ASIC2: variants seen among roughly 807,000 people sequenced by gnomAD.
The protein encoded by ASIC2 is acid sensing ion channel subunit 2.
A neutral mutation model predicts 57.3 loss-of-function variants in ASIC2; 25 were observed. That is an observed-to-expected ratio of 0.44 (90% CI 0.32 to 0.61). ASIC2 has a LOEUF of 0.61. Ranked by LOEUF, ASIC2 falls within the 20% of genes least tolerant of loss-of-function variation. ASIC2 has a pLI of 0.06. For synonymous variants in ASIC2, 319 were observed against 307.5 expected, an observed-to-expected ratio of 1.04 and a Z score of -0.39; for missense variants, 641 against 738.1, an observed-to-expected ratio of 0.87 and a Z score of 1.52.
At chr17:33,181,575 G>A (rs900345469) in intron 1 of ASIC2, among the ~76,000 whole-genome samples, 1 of 152,118 alleles carries the variant, frequency 6.6e-6, no homozygotes, top group African/African-American at 2.4e-5. Context: ...TTGTGGCAGT[G>A]TGACTCTGAT....
intron 1 of ASIC2, among the ~76,000 whole-genome samples, chr17:33,654,093 A>G (rs1907005743): frequency 1.3e-5 from 2 of 152,188 alleles, no homozygotes; most frequent in Non-Finnish European, 1.5e-5. Flanking sequence ...CATCTACAAA[A>G]TGGATCTATC....
intron 1 of ASIC2, among the ~76,000 whole-genome samples, chr17:33,420,258 A>G (rs1192723869): frequency 1.3e-5 from 2 of 152,218 alleles, no homozygotes; most frequent in Non-Finnish European, 2.9e-5. Context: ...TGGGAAAGCT[A>G]TGGTTCATGC....
intron 1 of ASIC2, among the ~76,000 whole-genome samples, chr17:34,032,570 A>G (rs1164295175): frequency 1.3e-5 from 2 of 152,224 alleles, no homozygotes; most frequent in African/African-American, 4.8e-5. Flanking sequence ...AGACTGGCAA[A>G]TTGGATAAAG....
intron 1 of ASIC2, among the ~76,000 whole-genome samples, chr17:33,575,974 A>G (rs12450179): frequency 0.53 from 80,666 of 152,074 alleles, 22,755 homozygotes; most frequent in African/African-American, 0.74. Context: ...ATTTGGAAAC[A>G]GAGTCCATCA....
intron 1 of ASIC2, among the ~76,000 whole-genome samples, chr17:33,583,453 C>T (rs367673918): frequency 2.0e-5 from 3 of 151,754 alleles, no homozygotes; most frequent in Non-Finnish European, 4.4e-5. Flanking sequence ...GAAGTTGCTT[C>T]GCAGTGGGCA....
At chr17:33,559,328 C>T (rs1471118977) in intron 1 of ASIC2, among the ~76,000 whole-genome samples, 3 of 152,186 alleles carry the variant, frequency 2.0e-5, no homozygotes, top group South Asian at 4.1e-4. Context: ...ATGGCCTACC[C>T]CACAGATTCC....
chr17:33,235,604 C>A (rs1448416020), intron 1 of ASIC2, among the ~76,000 whole-genome samples: 1 of 152,212 alleles, frequency 6.6e-6, no homozygotes, highest in Non-Finnish European at 1.5e-5. Flanking sequence ...ACCAGCCGGG[C>A]TTCTCAGTGA....
chr17:33,995,992 A>G (rs922927030), intron 1 of ASIC2, among the ~76,000 whole-genome samples: 5 of 152,182 alleles, frequency 3.3e-5, no homozygotes, highest in Non-Finnish European at 2.9e-5. Context: ...CCTTTTCTCC[A>G]TATCTTTGAC....
rs1397853053 is a variant in ASIC2, at chr17:33,890,316, TC to T, written c.555+265661del. Among the ~76,000 whole-genome samples, 9 of 152,306 alleles carry T rather than the reference TC, an allele frequency of 5.9e-5. No individual in the cohort carries two copies. In the East Asian group the frequency reaches 1.5e-3, roughly 26 times the overall value. On this transcript the variant is annotated intron_variant, in intron 1 of 9. Coordinates refer to the ASIC2 transcript ENST00000359872. The stretch of plus-strand genomic sequence containing the variant: ...ACTGGCTCCCATGTTGACTGTATTT[TC>T]TCCAAGTGAGACTGGGGTAAACACC...
intron 3 of ASIC2, among the ~76,000 whole-genome samples, chr17:33,050,357 A>T (rs982979744): frequency 1.3e-5 from 2 of 152,130 alleles, no homozygotes; most frequent in Admixed American, 6.5e-5. Context: ...CATGGTCTGG[A>T]TTGGGATCAG....
intron 1 of ASIC2, among the ~76,000 whole-genome samples, chr17:33,288,619 G>C (rs1567811430): frequency 6.6e-6 from 1 of 151,896 alleles, no homozygotes; most frequent in African/African-American, 2.4e-5. Flanking sequence ...GTGTTGGCTG[G>C]GACAGAGCTT....
At chr17:33,215,887 G>C (rs1453527210) in intron 1 of ASIC2, among the ~76,000 whole-genome samples, 1 of 152,120 alleles carries the variant, frequency 6.6e-6, no homozygotes, top group African/African-American at 2.4e-5. Flanking sequence ...TTTTAGTAGA[G>C]ACGGGGTTTC....
At chr17:33,855,258 C>A (rs569164284) in intron 1 of ASIC2, among the ~76,000 whole-genome samples, 28 of 152,128 alleles carry the variant, frequency 1.8e-4, no homozygotes, top group Non-Finnish European at 3.7e-4. Flanking sequence ...AGACTGGAGA[C>A]CCTGCTCTGC....
chr17:34,009,099 A>G (rs1340373587), intron 1 of ASIC2, among the ~76,000 whole-genome samples: 3 of 151,382 alleles, frequency 2.0e-5, no homozygotes, highest in Admixed American at 2.0e-4. Context: ...CCAGCCCACC[A>G]TTTTGTAATC....
intron 1 of ASIC2, among the ~76,000 whole-genome samples, chr17:33,447,269 A>G (rs116501709): frequency 7.4e-6 from 1 of 135,302 alleles, no homozygotes; most frequent in Non-Finnish European, 1.7e-5. Flanking sequence ...GGCTAAATGC[A>G]TCTGAAGAAA....
chr17:34,014,894 AT>A (rs71942466), intron 1 of ASIC2, among the ~76,000 whole-genome samples: 50 of 146,804 alleles, frequency 3.4e-4, no homozygotes, highest in Middle Eastern at 3.5e-3. Context: ...ATATCGCTGC[AT>A]TTTTTTTTTT....
At chr17:33,340,713 C>T (rs1450390280) in intron 1 of ASIC2, among the ~76,000 whole-genome samples, 1 of 152,070 alleles carries the variant, frequency 6.6e-6, no homozygotes, top group Non-Finnish European at 1.5e-5. Context: ...GAGGGGGCTC[C>T]TGCATCATCA....
intron 1 of ASIC2, among the ~76,000 whole-genome samples, chr17:33,133,882 G>A (rs926316349): frequency 6.6e-6 from 1 of 152,208 alleles, no homozygotes; most frequent in African/African-American, 2.4e-5. Context: ...AAGGCTTAGC[G>A]GTGGAGGGCA....
At chr17:33,542,038 A>G (rs12952276) in intron 1 of ASIC2, among the ~76,000 whole-genome samples, 70,151 of 152,050 alleles carry the variant, frequency 0.46, 16,264 homozygotes, top group South Asian at 0.53. Flanking sequence ...CAATGAATGC[A>G]AAATGCTGAA....
Sources: gnomAD v4.1 joint callset for allele counts (sites outside exome capture counted in the v4.1 genomes callset) on GRCh38, gnomAD v4.1.1 for gene constraint, MANE v1.5 for transcripts, NCBI Gene and HGNC (gene_info 2026-07-23, HGNC 2026-07-21) for gene names.